Variants in MUC4 observed in about 807,000 individuals in gnomAD.
The protein encoded by MUC4 is mucin-4.
In MUC4, 202 loss-of-function variants were observed where a neutral mutation model predicts 257.9. That is an observed-to-expected ratio of 0.78 (90% confidence interval 0.70 to 0.88). MUC4 has a LOEUF of 0.88. Among genes scored for constraint, MUC4 ranks in the 40% least tolerant of loss-of-function variants. The pLI is 0.00. For missense variants in MUC4, 5,976 were observed against 6,513.7 expected (o/e 0.92, Z 2.84); for synonymous variants, 2,351 against 2,757.1 (o/e 0.85, Z 4.62).
At chr3:195,778,184 C>T (rs1338931767) in intron 3 of MUC4, 119 bp downstream of exon 3, 16 of 1,318,138 alleles carry the variant, frequency 1.2e-5, no homozygotes, top group South Asian at 1.5e-5. Flanking sequence ...ATGCTGTGTC[C>T]CTGTCCTCGG....
chr3:195,751,288 CAGATGG>C lies in MUC4; in HGVS notation c.15583-23_15583-18del. On this transcript the variant is annotated intron_variant, in intron 21 of 24. Transcript: ENST00000463781. ...GTATGCCACCTAGGTTAGAGGATGGCAGATGGGGGTGGGGGTGAGGCCCCATCCGGG... is the reference window on the plus strand; with the variant it reads ...GTATGCCACCTAGGTTAGAGGATGGCGGGTGGGGGTGAGGCCCCATCCGGG... The C allele has an allele frequency of 1.9e-6, 3 of 1,593,522 alleles. No homozygotes were observed. Among genetic ancestry groups the C allele is most frequent in the Non-Finnish European group, 2.6e-6 (3 of 1,169,400 alleles).
At chr3:195,763,032 A>T in intron 12 of MUC4, 87 bp from the exon 13 acceptor site, 1 of 1,146,204 alleles carries the variant, frequency 8.7e-7, no homozygotes, top group Non-Finnish European at 1.3e-6. Context: ...CTGGGGCTGG[A>T]AGCTGCGCCC....
intron 1 of MUC4, among the ~76,000 whole-genome samples, chr3:195,797,841 T>C (rs962266065): frequency 6.6e-6 from 1 of 152,110 alleles, no homozygotes; most frequent in African/African-American, 2.4e-5. Context: ...GTGTGGTGAT[T>C]CATGCCTGAA....
At position 195,761,128 on chromosome 3, in the gene MUC4, C is replaced by T; in HGVS notation, c.14615-11G>A. The T allele has an allele frequency of 6.2e-7, 1 of 1,611,518 alleles. No individual in the cohort carries two copies. The highest frequency in any genetic ancestry group is 8.5e-7 in the Non-Finnish European group (1 of 1,177,634). On this transcript the variant is annotated splice_polypyrimidine_tract_variant and intron_variant, in intron 15 of 24. Transcript: ENST00000463781. ...TCCCGTTGATCTGCCCTGTAACACA[C>T]AGAGCGCGGTGGTACCAGGCATGGC... is the stretch of plus-strand genomic sequence containing the variant.
In MUC4 at chr3:195,783,914, CT is replaced by C. The variant is rs1729782716; in HGVS notation, c.7665del (p.Gly2556ValfsTer448). On this transcript the variant is annotated frameshift_variant, in exon 2 of 25. Transcript: ENST00000463781. LOFTEE classifies it high-confidence loss of function. ...GTGACAGGAAGAGAGGTGGCGTGAC[CT>C]GTGGATGCTGAGGAAGGGCTGGTGA... ...LHVTSPSSAS[T>X]GHATSLPVTD... The C allele has an allele frequency of 1.3e-6, 2 of 1,515,668 alleles. No individual in the cohort carries two copies. Among genetic ancestry groups the C allele is most frequent in the Admixed American group, 2.0e-5 (1 of 49,506 alleles). The allele number at this position is 1,515,668 out of a possible 1,614,324, so 93.9% of individuals were successfully genotyped here. A position where few individuals can be genotyped will look rare whatever the true frequency, so the allele number is the denominator to read the frequency against.
rs1022399866 is a variant in MUC4, at chr3:195,761,551, C to G, written c.14547G>C (p.Arg4849Ser). The G allele has an allele frequency of 6.8e-6, 11 of 1,614,028 alleles. No individual in the cohort carries two copies. The highest frequency in any genetic ancestry group is 1.6e-4 in the Middle Eastern group (1 of 6,084). Residue 4849 changes from arginine (R) to serine (S), a missense_variant, in exon 15 of 25, where the codon AGG becomes AGC. This residue lies in a region of MUC4 where 996 missense variants were observed against 1,137.3 expected (regional missense o/e 0.88). Transcript: ENST00000463781. ...GGGGAATGGTGGAGCCATTGGGCAT[C>G]CTGAAGTCGTCCTCTGGATTGTTAT... ...VWNNNPEDDF[R>S]MPNGSTIPPG...
chr3:195,767,865 A>ACACCACCACCAT (rs1553861228), intron 7 of MUC4, among the ~76,000 whole-genome samples: 28 of 52,210 alleles, frequency 5.4e-4, no homozygotes, highest in Admixed American at 1.1e-3. Flanking sequence ...ATCACCCCCA[A>ACACCACCACCAT]CACCACCACC....
At position 195,787,326 on chromosome 3, in the gene MUC4, G is replaced by T; in HGVS notation, c.4254C>A (p.Ser1418=). The change falls in exon 2 of 25, where the codon TCC becomes TCA. Residue 1418 remains serine, a synonymous_variant. Transcript: ENST00000463781. The stretch of plus-strand genomic sequence containing the variant: ...CAGGAAGAGGGGTGGCGTGTCCTGT[G>T]GATGCTGAGGAAGTGTCGGTGACAA... ...PLLVTDTSSA[S]TGHATPLPVT... 1.5e-6 allele frequency: 1 copy of T among 646,990 alleles called. No homozygotes were observed. Among genetic ancestry groups the T allele is most frequent in the Non-Finnish European group, 2.3e-6 (1 of 434,164 alleles). 40.1% of individuals were successfully genotyped at this position (646,990 alleles called of 1,614,324 possible). A position where few individuals can be genotyped will look rare whatever the true frequency, so the allele number is the denominator to read the frequency against.
intron 1 of MUC4, among the ~76,000 whole-genome samples, chr3:195,793,493 TTC>T (rs1734133501): frequency 7.5e-6 from 1 of 132,862 alleles, no homozygotes; most frequent in Non-Finnish European, 1.6e-5. Flanking sequence ...CAGAGCAAGA[TTC>T]TGTCTCAAAA....
Position 195,788,607 on chromosome 3 carries a change from G to A in MUC4, c.2973C>T (p.Thr991=), listed in dbSNP as rs778078640. The A allele has an allele frequency of 6.3e-7, 1 of 1,588,906 alleles. No homozygotes were observed. The highest frequency in any genetic ancestry group is 1.1e-5 in the South Asian group (1 of 87,702). The change falls in exon 2 of 25, where the codon ACC becomes ACT. Residue 991 remains threonine, a synonymous_variant. Coordinates refer to ENST00000463781, the MANE Select transcript of MUC4 (RefSeq NM_018406.7). ...YASSASTGHT[T]PLHVTDASSV... The stretch of plus-strand genomic sequence containing the variant: ...AGGAAGCATCGGTGACATGAAGAGG[G>A]GTGGTGTGACCTGTGGATGCCGAGG...
chr3:195,751,560 TCTGACA>T, intron 21 of MUC4: 2 of 543,662 alleles, frequency 3.7e-6, no homozygotes, highest in South Asian at 4.3e-5. Context: ...CTACCTTGCC[TCTGACA>T]CATGACTCAT....
At position 195,791,168 on chromosome 3, in the gene MUC4, T is replaced by C. The variant is rs780197580; in HGVS notation, c.412A>G (p.Ile138Val). ...GAGTCTGTGGAGGTTGTCATTGTTA[T>C]AGTCTTTGATGTCATCATGAGTGTG... The part of the protein sequence containing the change: ...TNTLMMTSKT[I>V]TMTTSTDSTL... Residue 138 changes from isoleucine to valine, a missense_variant, in exon 2 of 25, where the codon ATA (isoleucine) becomes GTA (valine). Ile to Val is a conservative substitution (Grantham distance 29, BLOSUM62 3). Coordinates refer to ENST00000463781, the MANE Select transcript of MUC4 (RefSeq NM_018406.7). 16 of 1,614,026 alleles carry C rather than the reference T, an allele frequency of 9.9e-6. No homozygotes were observed. The South Asian group carries it at 1.5e-4, about 16-fold the overall frequency.
rs2688532 is a variant in MUC4 at position 195,810,250 on chromosome 3, C to T, written c.82+1486G>A. On this transcript the variant is annotated intron_variant, in intron 1 of 24. Transcript: ENST00000463781. The surrounding 1 kb of genome is among the most constrained non-coding windows in gnomAD (Gnocchi z 4.2). ...CTTCTCTTGCAGCCTTTAAACGGCA[C>T]TCGCCTTCTGACTCACTCCCAGGAA... The T allele has an allele frequency of 0.55, 84,388 of 152,224 alleles. 24,349 individuals are homozygous for T. Among genetic ancestry groups the T allele is most frequent in the East Asian group, 0.76 (3,922 of 5,162 alleles). 9.4% of individuals were successfully genotyped at this position (152,224 alleles called of 1,614,324 possible).
At chr3:195,756,165 A>C (rs757985698) in intron 18 of MUC4, among the ~76,000 whole-genome samples, 21 of 152,198 alleles carry the variant, frequency 1.4e-4, no homozygotes, top group African/African-American at 5.1e-4. Flanking sequence ...TGATGATGAC[A>C]TCCTAGGGAG....
chr3:195,757,480 T>C lies in MUC4; in HGVS notation c.14987-152A>G. On this transcript the variant is annotated intron_variant, in intron 17 of 24. Transcript: ENST00000463781. The surrounding 1 kb of genome is among the most constrained non-coding windows in gnomAD (Gnocchi z 4.8). ...TCATTTCCTTTGAGCAAGGCTGGTA[T>C]CGGGGGTGATCCTGGTCACGCTCCC... 1.4e-6 allele frequency: 1 copy of C among 739,692 alleles called. No homozygotes were observed. Among genetic ancestry groups the C allele is most frequent in the Non-Finnish European group, 2.2e-6 (1 of 454,680 alleles). The allele number at this position is 739,692 out of a possible 1,614,324, so 45.8% of individuals were successfully genotyped here. A position where few individuals can be genotyped will look rare whatever the true frequency, so the allele number is the denominator to read the frequency against.
chr3:195,747,593 G>A (rs1189580577), intron 24 of MUC4, among the ~76,000 whole-genome samples: 4 of 152,404 alleles, frequency 2.6e-5, no homozygotes, highest in South Asian at 2.1e-4. Context: ...GGGCCGGCGC[G>A]GGGGCTCACG....
chr3:195,776,893 A>G (rs1173108653), intron 3 of MUC4, among the ~76,000 whole-genome samples: 107 of 5,490 alleles, frequency 0.019, 46 homozygotes, highest in African/African-American at 0.057. Flanking sequence ...TACCTTCCAC[A>G]CCCTTACCTT....
Position 195,811,735 on chromosome 3 carries a change from C to T in MUC4, c.82+1G>A. 6.2e-7 allele frequency: 1 copy of T among 1,613,928 alleles called. No individual in the cohort carries two copies. Among genetic ancestry groups the T allele is most frequent in the Non-Finnish European group, 8.5e-7 (1 of 1,179,934 alleles). ...CCTCATCTGCTGTCTCCATCACTTA[C>T]CTGGGACCACATGCGGAAGGAGGCA... is the stretch of plus-strand genomic sequence containing the variant. On this transcript the variant is annotated splice_donor_variant, in intron 1 of 24. Coordinates refer to ENST00000463781, the MANE Select transcript of MUC4 (RefSeq NM_018406.7). LOFTEE classifies it high-confidence loss of function.
intron 7 of MUC4, among the ~76,000 whole-genome samples, chr3:195,767,820 C>CCACCACCACCAT (rs1157513190): frequency 0.019 from 799 of 41,318 alleles, 65 homozygotes; most frequent in African/African-American, 0.084. Flanking sequence ...ACCATCACCA[C>CCACCACCACCAT]CACCACCACC....
Sources: gnomAD v4.1 joint callset for allele counts (sites outside exome capture counted in the v4.1 genomes callset) on GRCh38, gnomAD v4.1.1 for gene constraint, gnomAD v4.1.1 regional missense constraint, Gnocchi (gnomAD v3.1) non-coding constraint, MANE v1.5 for transcripts, NCBI Gene and HGNC (gene_info 2026-07-23, HGNC 2026-07-21) for gene names.